GALNT9: variants seen among roughly 807,000 people sequenced by gnomAD.
GALNT9 encodes the protein polypeptide N-acetylgalactosaminyltransferase 9.
In GALNT9, 47 loss-of-function variants were observed where a neutral mutation model predicts 63.1. That is an observed-to-expected ratio of 0.75 (90% confidence interval 0.59 to 0.95). GALNT9 has a LOEUF of 0.95. GALNT9 is among the 40% of genes least tolerant of loss of function. The probability of loss-of-function intolerance (pLI) is 0.00; values close to 1 mark genes in which losing one functional copy is unlikely to be tolerated. For synonymous variants in GALNT9, 396 were observed against 365.7 expected (o/e 1.08, Z -0.94); for missense variants, 829 against 874.8 (o/e 0.95, Z 0.66).
chr12:132,285,086 C>T (rs371167695), intron 2 of GALNT9, among the ~76,000 whole-genome samples: 54 of 152,372 alleles, frequency 3.5e-4, no homozygotes, highest in African/African-American at 1.3e-3. Context: ...CCAAGAATCC[C>T]GGTGTCAGGG....
Position 132,329,285 on chromosome 12 carries a change from G to C in GALNT9, c.-82C>G. On this transcript the variant is annotated 5_prime_UTR_variant, in exon 1 of 11. Coordinates refer to ENST00000328957, the MANE Select transcript of GALNT9 (RefSeq NM_001122636.2). ...GCCTGGGCTTCAGCTTCGGCTTCGGGGACCATGAGCCGCCCGGGGCTGCGG... is the reference window on the plus strand; with the variant it reads ...GCCTGGGCTTCAGCTTCGGCTTCGGCGACCATGAGCCGCCCGGGGCTGCGG... 1 of 1,481,044 alleles carries C rather than the reference G, an allele frequency of 6.8e-7. No homozygotes were observed. The allele number at this position is 1,481,044 out of a possible 1,614,324, so 91.7% of individuals were successfully genotyped here. A position where few individuals can be genotyped will look rare whatever the true frequency, so the allele number is the denominator to read the frequency against.
At chr12:132,324,565 T>C (rs1158123537) in intron 1 of GALNT9, among the ~76,000 whole-genome samples, 1 of 152,206 alleles carries the variant, frequency 6.6e-6, no homozygotes, top group Non-Finnish European at 1.5e-5. Context: ...GCGGGGGGTC[T>C]TTGGACTGGC....
At chr12:132,226,784 CACAT>C (rs1877708783) in intron 6 of GALNT9, among the ~76,000 whole-genome samples, 1 of 149,016 alleles carries the variant, frequency 6.7e-6, no homozygotes, top group African/African-American at 2.5e-5. Context: ...ACACATCCCA[CACAT>C]ACACCCCATA....
Position 132,252,374 on chromosome 12 carries a change from A to G in GALNT9, c.960-4347T>C, listed in dbSNP as rs1878954689. 6.6e-6 allele frequency among the ~76,000 whole-genome samples: 1 copy of G among 152,196 alleles called. No homozygotes were observed. The highest frequency in any genetic ancestry group is 2.4e-5 in the African/African-American group (1 of 41,446). The stretch of plus-strand genomic sequence containing the variant: ...CGACACTGACATTTAATGTTATTTA[A>G]AAACTGTTTCTGAGAAGGCAGAGAA... On this transcript the variant is annotated intron_variant, in intron 5 of 10. Transcript: ENST00000328957. This position sits in a 1 kb window ranked among gnomAD's most constrained non-coding sequence, Gnocchi z 5.2.
intron 5 of GALNT9, among the ~76,000 whole-genome samples, chr12:132,250,833 C>T (rs1878886899): frequency 6.6e-6 from 1 of 152,166 alleles, no homozygotes; most frequent in African/African-American, 2.4e-5. Flanking sequence ...CGAGGTAAGA[C>T]GGCGAGGAGG....
intron 6 of GALNT9, chr12:132,240,745 A>C (rs2136899379): frequency 2.2e-6 from 1 of 455,658 alleles, no homozygotes; most frequent in Admixed American, 2.4e-5. Context: ...AGTTACCAGA[A>C]CCTGATCACC....
chr12:132,328,562 C>G (rs1449536935), intron 1 of GALNT9, among the ~76,000 whole-genome samples: 1 of 152,210 alleles, frequency 6.6e-6, no homozygotes, highest in African/African-American at 2.4e-5. Context: ...TCCCCACCTT[C>G]AAGAGTGGAG....
intron 6 of GALNT9, among the ~76,000 whole-genome samples, chr12:132,210,689 G>A (rs2135513434): frequency 6.6e-6 from 1 of 152,358 alleles, no homozygotes; most frequent in African/African-American, 2.4e-5. Flanking sequence ...CTGTGCTGCG[G>A]TCAGGGAAGC....
Position 132,329,084 on chromosome 12 carries a change from G to T in GALNT9, c.120C>A (p.Ile40=). 1.3e-6 allele frequency: 2 copies of T among 1,548,374 alleles called. No individual in the cohort carries two copies. Among genetic ancestry groups the T allele is most frequent in the African/African-American group, 1.4e-5 (1 of 73,114 alleles). The change falls in exon 1 of 11, where the codon ATC becomes ATA. Residue 40 remains isoleucine (I), a synonymous_variant. Transcript: ENST00000328957. ...TGCGCACCCGGCGGTCGCCGCTCAC[G>T]ATGCGCACGAGCTCCTGGGAGCGGC... ...LQGRSQELVR[I]VSGDRRVRSR...
intron 6 of GALNT9, among the ~76,000 whole-genome samples, chr12:132,207,325 C>G (rs1876755060): frequency 6.6e-6 from 1 of 152,340 alleles, no homozygotes; most frequent in Middle Eastern, 3.4e-3. Context: ...GCCGGGCACA[C>G]AGTAGGTGCT....
At chr12:132,253,814 C>T (rs1879013037) in intron 5 of GALNT9, among the ~76,000 whole-genome samples, 1 of 152,176 alleles carries the variant, frequency 6.6e-6, no homozygotes, top group Non-Finnish European at 1.5e-5. Context: ...CGTCCTGGAG[C>T]AGGGCCCACA....
chr12:132,262,516 G>A lies in GALNT9; in HGVS notation c.529C>T (p.His177Tyr), dbSNP rs1555239871. The A allele has an allele frequency of 4.5e-6, 7 of 1,551,454 alleles. No individual in the cohort carries two copies. Among genetic ancestry groups the A allele is most frequent in the Middle Eastern group, 3.3e-4 (2 of 5,988 alleles). ...TCCTTGAGGAGCTGGGAGGGCGTGT[G>A]GTTGACCACGCTGTGCACGGAGCGC... ...ILRSVHSVVN[H>Y]TPSQLLKEVI... The change falls in exon 3 of 11, where the codon CAC becomes TAC. Residue 177 changes from histidine (H) to tyrosine (Y), a missense_variant. Transcript: ENST00000328957.
chr12:132,329,033 C>A lies in GALNT9; in HGVS notation c.171G>T (p.Leu57=). ...VRSRHAKVGT[L]GDREAILQRL... ...GCTGCAGGATGGCCTCACGGTCCCC[C>A]AGCGTGCCCACCTTGGCGTGTCGGC... The change falls in exon 1 of 11, where the codon CTG becomes CTT. Residue 57 remains leucine (L), a synonymous_variant. Coordinates refer to ENST00000328957, the MANE Select transcript of GALNT9 (RefSeq NM_001122636.2). The A allele has an allele frequency of 1.3e-6, 2 of 1,545,486 alleles. No homozygotes were observed. The highest frequency in any genetic ancestry group is 1.7e-6 in the Non-Finnish European group (2 of 1,146,108).
intron 1 of GALNT9, among the ~76,000 whole-genome samples, chr12:132,300,805 C>T (rs1881267697): frequency 6.6e-6 from 1 of 152,066 alleles, no homozygotes; most frequent in African/African-American, 2.4e-5. Flanking sequence ...CTAACCCACC[C>T]CCACCACACC....
At chr12:132,201,372 T>TCC in intron 7 of GALNT9, 111 bp from the exon 8 acceptor site, 2 of 672,936 alleles carry the variant, frequency 3.0e-6, no homozygotes. Flanking sequence ...AGGAGCAGCC[T>TCC]CCCCCCCAGT....
At chr12:132,305,094 C>T (rs181449548) in intron 1 of GALNT9, among the ~76,000 whole-genome samples, 1 of 78,974 alleles carries the variant, frequency 1.3e-5, no homozygotes, top group African/African-American at 6.8e-5. Flanking sequence ...CACCCTCACC[C>T]GGGCACAGCC....
chr12:132,240,532 G>A (rs2136898502), intron 6 of GALNT9: 2 of 442,264 alleles, frequency 4.5e-6, no homozygotes, highest in South Asian at 3.2e-5. Context: ...TGCTGCTGTG[G>A]GCCTGGCGTG....
chr12:132,219,644 A>G (rs1565991125), intron 6 of GALNT9, among the ~76,000 whole-genome samples: 1 of 152,076 alleles, frequency 6.6e-6, no homozygotes, highest in Non-Finnish European at 1.5e-5. Flanking sequence ...GAGAGGCAGC[A>G]GCACCCGCGC....
intron 9 of GALNT9, among the ~76,000 whole-genome samples, chr12:132,198,940 T>C (rs548963983): frequency 1.3e-5 from 2 of 152,246 alleles, no homozygotes; most frequent in Non-Finnish European, 2.9e-5. Context: ...CGTGAGCCAC[T>C]GCACCCGGCC....
Sources: gnomAD v4.1 joint callset for allele counts (sites outside exome capture counted in the v4.1 genomes callset) on GRCh38, gnomAD v4.1.1 for gene constraint, Gnocchi (gnomAD v3.1) non-coding constraint, MANE v1.5 for transcripts, NCBI Gene and HGNC (gene_info 2026-07-23, HGNC 2026-07-21) for gene names.